The following IPO8 variants were observed in gnomAD, a reference collection of about 807,000 sequenced individuals.
IPO8 encodes importin-8.
Under a neutral mutation model 141.2 loss-of-function variants are expected in IPO8, and 65 were observed. The observed-to-expected ratio is 0.46, with a 90% CI of 0.38 to 0.57. The LOEUF (loss-of-function observed/expected upper bound fraction) is 0.57, where lower values mean the gene tolerates loss of function less well. Among genes scored for constraint, IPO8 ranks in the 20% least tolerant of loss-of-function variants. The pLI is 0.00. For synonymous variants in IPO8, 411 were observed against 420.3 expected (o/e 0.98, Z 0.27); for missense variants, 980 against 1,246.8 (o/e 0.79, Z 3.22).
chr12:30,675,661 A>G (rs1183865778), intron 6 of IPO8, among the ~76,000 whole-genome samples: 1 of 150,366 alleles, frequency 6.7e-6, no homozygotes, highest in African/African-American at 2.5e-5. Flanking sequence ...CCCTGTCTCT[A>G]CTAAAAAAAA....
intron 19 of IPO8, among the ~76,000 whole-genome samples, chr12:30,650,620 A>T (rs1198805969): frequency 6.6e-6 from 1 of 152,140 alleles, no homozygotes; most frequent in African/African-American, 2.4e-5. Context: ...CCCCATCTAT[A>T]AAATGGGAAT....
rs769350500 is a variant in IPO8 at position 30,630,271 on chromosome 12, T to C, written c.*589A>G. The C allele has an allele frequency of 6.6e-6, 1 of 152,170 alleles. No homozygotes were observed. Among genetic ancestry groups the C allele is most frequent in the African/African-American group, 2.4e-5 (1 of 41,438 alleles). 9.4% of individuals were successfully genotyped at this position (152,170 alleles called of 1,614,324 possible). ...ACCACAGCCAGTGCATATTTTATAATACAACCCCTGAAAAAAGCCCCCCAG... is the reference window on the plus strand; with the variant it reads ...ACCACAGCCAGTGCATATTTTATAACACAACCCCTGAAAAAAGCCCCCCAG... On this transcript the variant is annotated 3_prime_UTR_variant, in exon 25 of 25. Transcript: ENST00000256079.
chr12:30,633,957 T>C (rs551968983), intron 23 of IPO8, 126 bp downstream of exon 23: 21 of 704,724 alleles, frequency 3.0e-5, no homozygotes, highest in South Asian at 1.2e-4. Context: ...ATTTCTATCA[T>C]AAGGAATAAA....
At chr12:30,653,139 G>A (rs2052751374) in intron 17 of IPO8, 47 bp from the exon 18 acceptor site, 3 of 1,572,228 alleles carry the variant, frequency 1.9e-6, no homozygotes, top group South Asian at 2.2e-5. Context: ...AATAGCAAAA[G>A]TTAAAACAAA....
At chr12:30,678,402 T>C (rs2053149953) in intron 5 of IPO8, among the ~76,000 whole-genome samples, 1 of 152,208 alleles carries the variant, frequency 6.6e-6, no homozygotes, top group African/African-American at 2.4e-5. Flanking sequence ...ATATCTTTTC[T>C]ATTACTTACC....
At chr12:30,665,366 C>G in intron 12 of IPO8, 57 bp from the exon 13 acceptor site, 1 of 982,790 alleles carries the variant, frequency 1.0e-6, no homozygotes, top group Non-Finnish European at 1.6e-6. Context: ...AGAATCACTT[C>G]CTAATCAAGT....
chr12:30,687,084 G>A (rs6487930), intron 2 of IPO8, among the ~76,000 whole-genome samples: 87,385 of 151,702 alleles, frequency 0.58, 26,497 homozygotes, highest in African/African-American at 0.77. Context: ...TAATTCAAGT[G>A]CCTAAATACA....
rs202107765 is a variant in IPO8, at chr12:30,676,507, G to T, written c.720C>A (p.Thr240=). The T allele has an allele frequency of 8.1e-6, 13 of 1,611,046 alleles. No individual in the cohort carries two copies. Among genetic ancestry groups the T allele is most frequent in the Non-Finnish European group, 1.1e-5 (13 of 1,177,574 alleles). The change falls in exon 6 of 25, where the codon ACC becomes ACA. Residue 240 remains threonine (T), a synonymous_variant. Coordinates refer to ENST00000256079, the MANE Select transcript of IPO8 (RefSeq NM_006390.4). ...AAAAGCTTTTTCTTACAGGAGGAAC[G>T]GTCCTGTCGATAATAGTTCGGAAGA... The part of the protein sequence containing the change: ...MEIFRTIIDR[T]VPPETLHIDE...
chr12:30,637,308 CA>C, intron 21 of IPO8, 121 bp from the exon 22 acceptor site: 1 of 728,344 alleles, frequency 1.4e-6, no homozygotes, highest in Non-Finnish European at 2.3e-6. Context: ...TGGTATCATA[CA>C]GAGACATTCC....
intron 15 of IPO8, among the ~76,000 whole-genome samples, chr12:30,661,937 C>G (rs2052893207): frequency 6.6e-6 from 1 of 152,180 alleles, no homozygotes; most frequent in Non-Finnish European, 1.5e-5. Flanking sequence ...ATTTCAGTTA[C>G]AGTCATGCAT....
chr12:30,636,906 A>G (rs2052509573), intron 22 of IPO8, 76 bp downstream of exon 22: 2 of 1,183,396 alleles, frequency 1.7e-6, no homozygotes, highest in Non-Finnish European at 2.5e-6. Flanking sequence ...ATGTCTCCAT[A>G]TAGACTAGTA....
At chr12:30,665,443 T>C (rs1357420372) in intron 12 of IPO8, 134 bp from the exon 13 acceptor site, 3 of 666,490 alleles carry the variant, frequency 4.5e-6, no homozygotes, top group Non-Finnish European at 7.9e-6. Context: ...ATATATTGCA[T>C]GTTTTAAAAC....
At chr12:30,658,711 A>C (rs2052835444) in intron 16 of IPO8, among the ~76,000 whole-genome samples, 1 of 152,186 alleles carries the variant, frequency 6.6e-6, no homozygotes, top group African/African-American at 2.4e-5. Flanking sequence ...ATAAGACAAA[A>C]GAACTATCCC....
chr12:30,631,839 G>T, intron 24 of IPO8, 56 bp downstream of exon 24: 1 of 1,138,478 alleles, frequency 8.8e-7, no homozygotes, highest in Non-Finnish European at 1.3e-6. Flanking sequence ...ATCAAATAAG[G>T]CTGTCTGTTG....
chr12:30,686,976 T>C (rs2053248678), intron 2 of IPO8, among the ~76,000 whole-genome samples: 1 of 152,136 alleles, frequency 6.6e-6, no homozygotes, highest in South Asian at 2.1e-4. Context: ...TTTTAATTAC[T>C]ATGATGGATA....
intron 16 of IPO8, among the ~76,000 whole-genome samples, chr12:30,658,082 A>G (rs2052826828): frequency 6.6e-6 from 1 of 152,168 alleles, no homozygotes; most frequent in Non-Finnish European, 1.5e-5. Flanking sequence ...TTTTCGTGTA[A>G]ATGTCCTATT....
chr12:30,666,639 C>T (rs962587555), intron 10 of IPO8, among the ~76,000 whole-genome samples: 4 of 152,150 alleles, frequency 2.6e-5, no homozygotes, highest in African/African-American at 7.2e-5. Context: ...TCTCACGGAG[C>T]TTATGTCGTG....
At chr12:30,678,495 T>C (rs751709414) in intron 5 of IPO8, among the ~76,000 whole-genome samples, 10 of 152,200 alleles carry the variant, frequency 6.6e-5, no homozygotes, top group Non-Finnish European at 8.8e-5. Flanking sequence ...CCTAGGTATG[T>C]AGTAGGCTAT....
intron 24 of IPO8, among the ~76,000 whole-genome samples, chr12:30,631,384 T>C (rs2052430068): frequency 1.3e-5 from 2 of 152,182 alleles, no homozygotes; most frequent in Admixed American, 6.5e-5. Context: ...CAAAATCTTT[T>C]CCAATGACAA....
Sources: gnomAD v4.1 joint callset for allele counts (sites outside exome capture counted in the v4.1 genomes callset) on GRCh38, gnomAD v4.1.1 for gene constraint, MANE v1.5 for transcripts, NCBI Gene and HGNC (gene_info 2026-07-23, HGNC 2026-07-21) for gene names.